The following RND3 variants were observed in gnomAD, a reference collection of about 807,000 sequenced individuals.
RND3 encodes the protein Rho family GTPase 3.
In RND3, 8 loss-of-function variants were observed where a neutral mutation model predicts 26.5. The observed-to-expected ratio is 0.30, with a 90% CI of 0.18 to 0.54. The LOEUF (loss-of-function observed/expected upper bound fraction) is 0.54. Among genes scored for constraint, RND3 ranks in the 20% least tolerant of loss-of-function variants. The pLI is 0.94. For synonymous variants in RND3, 113 were observed against 113.0 expected, an observed-to-expected ratio of 1.00 and a Z score of 0.00; for missense variants, 207 against 302.8, an observed-to-expected ratio of 0.68 and a Z score of 2.35.
chr2:150,471,964 A>G (rs1271215312), intron 4 of RND3: 4 of 535,666 alleles, frequency 7.5e-6, no homozygotes, highest in Non-Finnish European at 1.3e-5. Context: ...ATTAGAGAAT[A>G]ATTATGTATA....
intron 3 of RND3, among the ~76,000 whole-genome samples, chr2:150,483,081 T>C (rs1395588767): frequency 6.6e-6 from 1 of 152,176 alleles, no homozygotes; most frequent in Admixed American, 6.5e-5. Flanking sequence ...ATTAAGTTAC[T>C]GTGCCTTAAA....
chr2:150,487,491 A>T, intron 1 of RND3, 36 bp from the exon 2 acceptor site: 3 of 356,072 alleles, frequency 8.4e-6, no homozygotes, highest in Non-Finnish European at 1.3e-5. Flanking sequence ...ATATATATAT[A>T]TATTTCTCTC....
Position 150,474,994 on chromosome 2 carries a change from A to C in RND3, c.239-10T>G, listed in dbSNP as rs1558869879. On this transcript the variant is annotated splice_polypyrimidine_tract_variant and intron_variant, in intron 3 of 5. Coordinates refer to ENST00000263895, the MANE Select transcript of RND3 (RefSeq NM_005168.5). ...TCATAGTAAGGAGAACCTGAGAAGA[A>C]ACAAAGACACACAAATTTTCAGATG... 3 of 1,555,498 alleles carry C rather than the reference A, an allele frequency of 1.9e-6. No individual in the cohort carries two copies. The highest frequency in any genetic ancestry group is 1.7e-5 in the Admixed American group (1 of 59,786).
Position 150,486,630 on chromosome 2 carries a change from C to T in RND3, c.238+64G>A, listed in dbSNP as rs11898893. The T allele has an allele frequency of 2.2e-4, 259 of 1,188,742 alleles. 1 individual carries two copies. The African/African-American group carries it at 3.4e-3, about 16-fold the overall frequency. The allele number at this position is 1,188,742 out of a possible 1,614,324, so 73.6% of individuals were successfully genotyped here. ...CTTGTAGCGCGCGGTTTCCCGAGAC[C>T]CGCCGCGCATCCCCCAGCGACTGGA... On this transcript the variant is annotated intron_variant, in intron 3 of 5. Transcript: ENST00000263895. The surrounding 1 kb of genome is among the most constrained non-coding windows in gnomAD (Gnocchi z 4.5).
intron 3 of RND3, among the ~76,000 whole-genome samples, chr2:150,479,577 G>C (rs1686236509): frequency 6.6e-6 from 1 of 152,194 alleles, no homozygotes; most frequent in Non-Finnish European, 1.5e-5. Context: ...GAGAAAAGTA[G>C]ATTAACTTTT....
Position 150,470,167 on chromosome 2 carries a change from G to T in RND3, c.555C>A (p.Ser185Arg). 1 of 1,613,876 alleles carries T rather than the reference G, an allele frequency of 6.2e-7. No homozygotes were observed. Among genetic ancestry groups the T allele is most frequent in the Non-Finnish European group, 8.5e-7 (1 of 1,179,900 alleles). The change falls in exon 6 of 6, where the codon AGC (serine) becomes AGA (arginine). Residue 185 changes from serine to arginine, a missense_variant. By Grantham distance (110) the Ser-to-Arg change is moderately radical. Coordinates refer to ENST00000263895, the MANE Select transcript of RND3 (RefSeq NM_005168.5). ...IECSALQSEN[S>R]VRDIFHVATL... Reference sequence around the variant, plus strand: ...TGGCAACGTGAAAAATGTCTCTGACGCTATTTTCCGACTGTAAAGCTGAGC... The same window carrying T: ...TGGCAACGTGAAAAATGTCTCTGACTCTATTTTCCGACTGTAAAGCTGAGC...
intron 5 of RND3, 94 bp downstream of exon 5, chr2:150,471,533 A>G (rs1686087985): frequency 9.2e-7 from 1 of 1,087,402 alleles, no homozygotes; most frequent in Non-Finnish European, 1.3e-6. Context: ...AGCCTTTAGA[A>G]AAGCAGCTAC....
intron 3 of RND3, among the ~76,000 whole-genome samples, chr2:150,476,874 G>A (rs1227073588): frequency 6.6e-6 from 1 of 152,186 alleles, no homozygotes; most frequent in Admixed American, 6.5e-5. Context: ...GGCTACATTA[G>A]TATTTCCATA....
At chr2:150,483,313 A>G (rs1041249123) in intron 3 of RND3, among the ~76,000 whole-genome samples, 1 of 152,182 alleles carries the variant, frequency 6.6e-6, no homozygotes, top group African/African-American at 2.4e-5. Context: ...CTAGGAGGGT[A>G]AACAGGACAG....
rs1553461879 is a variant in RND3 at position 150,487,474 on chromosome 2, A to ATATATATATATATATATATAT, written c.-38-20_-38-19insATATATATATATATATATATA. ...ATTTTCTCTTAAGAAGAAAAAAAAA[A>ATATATATATATATATATATAT]ATATATATATATATATATATTTCTC... On this transcript the variant is annotated intron_variant, in intron 1 of 5. Coordinates refer to ENST00000263895, the MANE Select transcript of RND3 (RefSeq NM_005168.5). The ATATATATATATATATATATAT allele has an allele frequency of 6.8e-4, 137 of 200,760 alleles. No individual in the cohort carries two copies. The highest frequency in any genetic ancestry group is 9.6e-4 in the African/African-American group (35 of 36,644). The allele number at this position is 200,760 out of a possible 1,614,324, so 12.4% of individuals were successfully genotyped here. A position where few individuals can be genotyped will look rare whatever the true frequency, so the allele number is the denominator to read the frequency against.
intron 5 of RND3, among the ~76,000 whole-genome samples, chr2:150,470,443 G>T (rs190529957): frequency 6.6e-6 from 1 of 152,110 alleles, no homozygotes; most frequent in Non-Finnish European, 1.5e-5. Flanking sequence ...GCAGTCCAGA[G>T]CCCATCCCTA....
At chr2:150,483,379 T>G (rs1686309600) in intron 3 of RND3, among the ~76,000 whole-genome samples, 1 of 152,186 alleles carries the variant, frequency 6.6e-6, no homozygotes, top group African/African-American at 2.4e-5. Context: ...ATAAGAGCAG[T>G]CAGGCACACC....
rs1686028329 is a variant in RND3 at position 150,468,544 on chromosome 2, C to T, written c.*1443G>A. The T allele has an allele frequency of 6.6e-6, 1 of 152,522 alleles. No individual in the cohort carries two copies. Among genetic ancestry groups the T allele is most frequent in the African/African-American group, 2.4e-5 (1 of 41,422 alleles). The allele number at this position is 152,522 out of a possible 1,614,324, so 9.4% of individuals were successfully genotyped here. On this transcript the variant is annotated 3_prime_UTR_variant, in exon 6 of 6. Transcript: ENST00000263895. ...ACATAGAACTGAGTGTTGTAATTAC[C>T]TTAATCTCTCCTGCCACGATTTAAG... is the stretch of plus-strand genomic sequence containing the variant.
At chr2:150,476,671 G>A (rs192884280) in intron 3 of RND3, among the ~76,000 whole-genome samples, 113 of 152,266 alleles carry the variant, frequency 7.4e-4, no homozygotes, top group African/African-American at 2.4e-3. Flanking sequence ...AGCTTAAAGC[G>A]TTTAGAGTTT....
At chr2:150,470,351 T>A in intron 5 of RND3, 113 bp from the exon 6 acceptor site, 2 of 1,088,830 alleles carry the variant, frequency 1.8e-6, no homozygotes, top group Non-Finnish European at 2.6e-6. Flanking sequence ...GCTGATATGT[T>A]AACTGAATTT....
intron 4 of RND3, among the ~76,000 whole-genome samples, chr2:150,472,963 G>C (rs769533079): frequency 3.3e-5 from 5 of 151,754 alleles, no homozygotes; most frequent in Non-Finnish European, 5.9e-5. Flanking sequence ...CTTTCCATAA[G>C]AGCCCATTTT....
chr2:150,471,962 A>C (rs1352831094), intron 4 of RND3: 4 of 536,048 alleles, frequency 7.5e-6, no homozygotes, highest in African/African-American at 1.9e-5. Flanking sequence ...GCATTAGAGA[A>C]TAATTATGTA....
rs540052128 is a variant in RND3 at position 150,468,707 on chromosome 2, T to C, written c.*1280A>G. On this transcript the variant is annotated 3_prime_UTR_variant, in exon 6 of 6. Coordinates refer to ENST00000263895, the MANE Select transcript of RND3 (RefSeq NM_005168.5). Reference sequence around the variant, plus strand: ...CTCTAAAAGGAACTGGTCAAAAATATCTGTAAACTATTTTAAATGCTTATT... The same window carrying C: ...CTCTAAAAGGAACTGGTCAAAAATACCTGTAAACTATTTTAAATGCTTATT... 1 of 152,608 alleles carries C rather than the reference T, an allele frequency of 6.6e-6. No individual in the cohort carries two copies. Among genetic ancestry groups the C allele is most frequent in the Non-Finnish European group, 1.5e-5 (1 of 68,038 alleles). 9.5% of individuals were successfully genotyped at this position (152,608 alleles called of 1,614,324 possible).
rs1686360576 is a variant in RND3, at chr2:150,486,322, C to G, written c.238+372G>C. On this transcript the variant is annotated intron_variant, in intron 3 of 5. Transcript: ENST00000263895. This position sits in a 1 kb window ranked among gnomAD's most constrained non-coding sequence, Gnocchi z 4.5. ...AGGTTAGATCTAGGAGGGGCGCCCG[C>G]CTTGAGCCGGGTGGTTCCGCCGAGG... 6.7e-6 allele frequency among the ~76,000 whole-genome samples: 1 copy of G among 150,040 alleles called. No individual in the cohort carries two copies. The highest frequency in any genetic ancestry group is 1.9e-4 in the East Asian group (1 of 5,152).
Sources: gnomAD v4.1 joint callset for allele counts (sites outside exome capture counted in the v4.1 genomes callset) on GRCh38, gnomAD v4.1.1 for gene constraint, Gnocchi (gnomAD v3.1) non-coding constraint, MANE v1.5 for transcripts, NCBI Gene and HGNC (gene_info 2026-07-23, HGNC 2026-07-21) for gene names.